Variants in HYAL3 observed in about 807,000 individuals in gnomAD.
HYAL3 encodes hyaluronidase-3.
In HYAL3, 25 loss-of-function variants were observed where a neutral mutation model predicts 29.6. That is an observed-to-expected ratio of 0.85 (90% CI 0.62 to 1.18). The LOEUF (loss-of-function observed/expected upper bound fraction) is 1.18, where lower values mean the gene tolerates loss of function less well. Ranked by LOEUF, HYAL3 falls within the 50% of genes most tolerant of loss-of-function variation. The pLI is 0.00. For synonymous variants in HYAL3, 215 were observed against 218.3 expected (o/e 0.99, Z 0.13); for missense variants, 442 against 548.4 (o/e 0.81, Z 1.94).
chr3:50,296,355 G>C (rs1701838862), intron 1 of HYAL3: 5 of 549,016 alleles, frequency 9.1e-6, no homozygotes, highest in Non-Finnish European at 1.6e-5. Context: ...CTGCAGAAGA[G>C]GTGAGAGGTG....
chr3:50,296,856 C>T lies in HYAL3; in HGVS notation c.-17-1237G>A, dbSNP rs912310906. On this transcript the variant is annotated intron_variant, in intron 1 of 3. Transcript: ENST00000336307. ...GGCATTAAGCAGGGTGGCAGGCAGCCGTCTGCTGGTGAAGACCAGGCCCTG... is the reference window on the plus strand; with the variant it reads ...GGCATTAAGCAGGGTGGCAGGCAGCTGTCTGCTGGTGAAGACCAGGCCCTG... The T allele has an allele frequency of 1.3e-5, 21 of 1,590,860 alleles. No individual in the cohort carries two copies. In the African/African-American group the frequency reaches 1.5e-4, roughly 11 times the overall value.
rs782275557 is a variant in HYAL3 at position 50,293,290 on chromosome 3, GGCCA to G, written c.1206_1209del (p.Gly403ProfsTer61). 143 of 1,613,134 alleles carry G rather than the reference GGCCA, an allele frequency of 8.9e-5. No individual in the cohort carries two copies. The highest frequency in any genetic ancestry group is 1.6e-4 in the Middle Eastern group (1 of 6,076). ...CCAGGCCTGGGCTCCTGGCAGGTGG[GGCCA>G]GCCCAGCCCCAGTAACAGTGGCAGC... On this transcript the variant is annotated frameshift_variant, in exon 4 of 4. Coordinates refer to ENST00000336307, the MANE Select transcript of HYAL3 (RefSeq NM_003549.4). LOFTEE classifies it high-confidence loss of function.
At chr3:50,296,638 C>T in intron 1 of HYAL3, 2 of 1,614,084 alleles carry the variant, frequency 1.2e-6, no homozygotes, top group South Asian at 1.1e-5. Flanking sequence ...ATGGGGCGCC[C>T]CCTCACATTT....
At chr3:50,293,795 C>T in intron 2 of HYAL3, 74 bp from the exon 3 acceptor site, 1 of 1,285,642 alleles carries the variant, frequency 7.8e-7, no homozygotes, top group Non-Finnish European at 1.1e-6. Flanking sequence ...ATTCAAGAAA[C>T]TCTTCTGGTT....
chr3:50,292,969 A>G lies in HYAL3; in HGVS notation c.*277T>C. 6.5e-7 allele frequency: 1 copy of G among 1,545,468 alleles called. No homozygotes were observed. The highest frequency in any genetic ancestry group is 8.7e-7 in the Non-Finnish European group (1 of 1,145,710). Reference sequence around the variant, plus strand: ...CCTCTCCATGGGCTTAGTGAGGTGTAGGCACAAAGCCCTAGGCTGGCAGCC... The same window carrying G: ...CCTCTCCATGGGCTTAGTGAGGTGTGGGCACAAAGCCCTAGGCTGGCAGCC... On this transcript the variant is annotated 3_prime_UTR_variant, in exon 4 of 4. Transcript: ENST00000336307.
At position 50,298,915 on chromosome 3, in the gene HYAL3, G is replaced by T. The variant is rs1701992751; in HGVS notation, c.-18+298C>A. The T allele has an allele frequency of 2.9e-6, 4 of 1,364,446 alleles. No homozygotes were observed. The East Asian group carries it at 1.2e-4, about 40-fold the overall frequency. The allele number at this position is 1,364,446 out of a possible 1,614,324, so 84.5% of individuals were successfully genotyped here. On this transcript the variant is annotated intron_variant, in intron 1 of 3. Coordinates refer to ENST00000336307, the MANE Select transcript of HYAL3 (RefSeq NM_003549.4). ...AGGGCTGAGCCCGGGGCTTCCCCGC[G>T]GCCTTAACCCCTTCAGTGCCGACCC...
In HYAL3 at chr3:50,293,518, G is replaced by C. The variant is rs901598127; in HGVS notation, c.985-3C>G. On this transcript the variant is annotated splice_polypyrimidine_tract_variant and splice_region_variant and intron_variant, in intron 3 of 3. Coordinates refer to ENST00000336307, the MANE Select transcript of HYAL3 (RefSeq NM_003549.4). Reference sequence around the variant, plus strand: ...TCATGGAGATGCCAGCACTCCTCCTGAGGAGAAGGGAAGATATGTGTCAAT... The same window carrying C: ...TCATGGAGATGCCAGCACTCCTCCTCAGGAGAAGGGAAGATATGTGTCAAT... 4 of 1,611,698 alleles carry C rather than the reference G, an allele frequency of 2.5e-6. No homozygotes were observed. Among genetic ancestry groups the C allele is most frequent in the African/African-American group, 1.3e-5 (1 of 74,910 alleles).
intron 1 of HYAL3, chr3:50,297,000 C>T (rs781996637): frequency 1.1e-5 from 17 of 1,559,774 alleles, no homozygotes; most frequent in Middle Eastern, 1.7e-4. Context: ...CTCCATGAGG[C>T]GGCGGCCAAA....
chr3:50,295,608 A>G lies in HYAL3; in HGVS notation c.-6T>C. ...GGGCCCAGTTGCGTGGTCATTCCCC[A>G]AGGATGGAAACCTGCAGGAGAGAGG... On this transcript the variant is annotated 5_prime_UTR_variant, in exon 2 of 4. Coordinates refer to ENST00000336307, the MANE Select transcript of HYAL3 (RefSeq NM_003549.4). 6.5e-7 allele frequency: 1 copy of G among 1,535,510 alleles called. No homozygotes were observed. The highest frequency in any genetic ancestry group is 8.8e-7 in the Non-Finnish European group (1 of 1,140,260).
chr3:50,298,977 G>A, intron 1 of HYAL3: 1 of 1,451,884 alleles, frequency 6.9e-7, no homozygotes, highest in Non-Finnish European at 9.1e-7. Context: ...TCCTCAGAGA[G>A]TGGCTTCTCC....
At position 50,299,167 on chromosome 3, in the gene HYAL3, G is replaced by A. The variant is rs374895252; in HGVS notation, c.-18+46C>T. ...GCATGGCCACTTGGGGACCGCACGCGCGGGGTGGACCTACAGGCAGCAAAT... is the reference window on the plus strand; with the variant it reads ...GCATGGCCACTTGGGGACCGCACGCACGGGGTGGACCTACAGGCAGCAAAT... On this transcript the variant is annotated intron_variant, in intron 1 of 3. Coordinates refer to ENST00000336307, the MANE Select transcript of HYAL3 (RefSeq NM_003549.4). The A allele has an allele frequency of 1.9e-6, 3 of 1,613,884 alleles. No homozygotes were observed. In the African/African-American group the frequency reaches 4.0e-5, roughly 22 times the overall value.
At chr3:50,294,399 C>A (rs1354986886) in intron 2 of HYAL3, among the ~76,000 whole-genome samples, 1 of 152,188 alleles carries the variant, frequency 6.6e-6, no homozygotes, top group Non-Finnish European at 1.5e-5. Flanking sequence ...TCCCAAAGTA[C>A]TGGGATTATA....
In HYAL3 at chr3:50,297,476, G is replaced by A. The variant is rs587661850; in HGVS notation, c.-18+1737C>T. 4 of 1,584,540 alleles carry A rather than the reference G, an allele frequency of 2.5e-6. No individual in the cohort carries two copies. In the Admixed American group the frequency reaches 5.2e-5, roughly 21 times the overall value. The stretch of plus-strand genomic sequence containing the variant: ...GGATCAGCTCCATCCGGTGTGTAGG[G>A]TCTAGTGTAGGGGTCAGCTTGGCTG... On this transcript the variant is annotated intron_variant, in intron 1 of 3. Transcript: ENST00000336307. This position sits in a 1 kb window ranked among gnomAD's most constrained non-coding sequence, Gnocchi z 4.3.
At chr3:50,298,050 C>A in intron 1 of HYAL3, 1 of 985,698 alleles carries the variant, frequency 1.0e-6, no homozygotes, top group Non-Finnish European at 1.2e-6. Context: ...TACTTGCTGG[C>A]CTTCTGTCTT....
chr3:50,294,105 G>C (rs1285386402), intron 2 of HYAL3, among the ~76,000 whole-genome samples: 1 of 152,192 alleles, frequency 6.6e-6, no homozygotes, highest in Non-Finnish European at 1.5e-5. Flanking sequence ...TTCAATACCA[G>C]CCTGGGCAAC....
chr3:50,299,360 G>A lies in HYAL3; in HGVS notation c.-165C>T. The A allele has an allele frequency of 1.9e-6, 3 of 1,543,604 alleles. No individual in the cohort carries two copies. Among genetic ancestry groups the A allele is most frequent in the Admixed American group, 1.9e-5 (1 of 52,260 alleles). ...CTGCAGCCGTCGCGTCCTGCGGCAC[G>A]CCACGGCGTTCTAAGGCCTCCCAGC... is the stretch of plus-strand genomic sequence containing the variant. On this transcript the variant is annotated 5_prime_UTR_variant, in exon 1 of 4. Transcript: ENST00000336307.
chr3:50,297,126 G>A lies in HYAL3; in HGVS notation c.-17-1507C>T. 6.4e-7 allele frequency: 1 copy of A among 1,569,010 alleles called. No individual in the cohort carries two copies. Among genetic ancestry groups the A allele is most frequent in the Non-Finnish European group, 8.7e-7 (1 of 1,155,364 alleles). ...CACCACAACGGGTGCTGCTTCAAGT[G>A]TGGGGTGGGGGCTTAGCAGCATCAG... On this transcript the variant is annotated intron_variant, in intron 1 of 3. Coordinates refer to ENST00000336307, the MANE Select transcript of HYAL3 (RefSeq NM_003549.4). The surrounding 1 kb of genome is among the most constrained non-coding windows in gnomAD (Gnocchi z 4.3).
At chr3:50,296,411 G>A (rs1553711148) in intron 1 of HYAL3, 3 of 633,736 alleles carry the variant, frequency 4.7e-6, no homozygotes, top group Admixed American at 6.0e-5. Flanking sequence ...ATACCCAAGA[G>A]AGCCTTTATT....
intron 2 of HYAL3, 33 bp downstream of exon 2, chr3:50,294,676 G>A (rs782446631): frequency 6.7e-7 from 1 of 1,481,620 alleles, no homozygotes; most frequent in Admixed American, 2.3e-5. Context: ...CATACCTCCT[G>A]ACTCAGACCC....
Sources: allele counts gnomAD v4.1 joint callset (sites outside exome capture counted in the v4.1 genomes callset), GRCh38; gene constraint gnomAD v4.1.1; non-coding constraint Gnocchi (gnomAD v3.1); transcripts MANE v1.5; gene names NCBI Gene and HGNC (gene_info 2026-07-23, HGNC 2026-07-21).